CACNA2D1: variants seen among roughly 807,000 people sequenced by gnomAD.
CACNA2D1 encodes calcium voltage-gated channel auxiliary subunit alpha2delta 1, also known as voltage-dependent calcium channel subunit alpha-2/delta-1.
Under a neutral mutation model 171.5 loss-of-function variants are expected in CACNA2D1, and 53 were observed. The ratio of observed to expected loss-of-function variants is 0.31; its 90% confidence interval spans 0.25 to 0.39. The LOEUF is 0.39. Among genes scored for constraint, CACNA2D1 ranks in the 10% least tolerant of loss-of-function variants. The pLI is 1.00. For synonymous variants in CACNA2D1, 442 were observed against 443.1 expected, an observed-to-expected ratio of 1.00 and a Z score of 0.03; for missense variants, 903 against 1,299.8, an observed-to-expected ratio of 0.69 and a Z score of 4.69.
intron 3 of CACNA2D1, among the ~76,000 whole-genome samples, chr7:82,181,164 T>C (rs1359235893): frequency 1.4e-5 from 2 of 145,418 alleles, no homozygotes; most frequent in African/African-American, 5.1e-5. Flanking sequence ...AGTAATGGGG[T>C]ATTACTGGGT....
intron 4 of CACNA2D1, among the ~76,000 whole-genome samples, chr7:82,140,663 A>T (rs944786060): frequency 6.6e-6 from 1 of 152,132 alleles, no homozygotes; most frequent in African/African-American, 2.4e-5. Context: ...TTATAAAAAA[A>T]AATTGCAATT....
intron 3 of CACNA2D1, among the ~76,000 whole-genome samples, chr7:82,279,194 G>T (rs1809752139): frequency 6.6e-6 from 1 of 152,204 alleles, no homozygotes; most frequent in African/African-American, 2.4e-5. Context: ...TAGGTTCAGA[G>T]GGGCAATAAA....
chr7:82,193,589 G>A (rs1040107694), intron 3 of CACNA2D1, among the ~76,000 whole-genome samples: 14 of 151,962 alleles, frequency 9.2e-5, no homozygotes, highest in Non-Finnish European at 1.6e-4. Flanking sequence ...CTATGGAAAT[G>A]CATACTATAT....
intron 18 of CACNA2D1, among the ~76,000 whole-genome samples, chr7:82,001,121 G>A (rs1798567424): frequency 1.3e-5 from 2 of 152,022 alleles, no homozygotes; most frequent in Non-Finnish European, 2.9e-5. Context: ...GTTGCCAAAA[G>A]GAAAAGCTTT....
At chr7:82,272,139 T>C (rs1808715784) in intron 3 of CACNA2D1, among the ~76,000 whole-genome samples, 1 of 152,166 alleles carries the variant, frequency 6.6e-6, no homozygotes, top group Non-Finnish European at 1.5e-5. Flanking sequence ...AAAAGACAGA[T>C]ATTCTATAAA....
chr7:82,124,333 C>A (rs531031000), intron 5 of CACNA2D1, among the ~76,000 whole-genome samples: 240 of 152,180 alleles, frequency 1.6e-3, no homozygotes, highest in African/African-American at 5.1e-3. Context: ...CACCCTCTTC[C>A]CAGGGCAGAG....
intron 1 of CACNA2D1, among the ~76,000 whole-genome samples, chr7:82,374,371 G>A (rs188856095): frequency 1.3e-5 from 2 of 152,204 alleles, no homozygotes; most frequent in East Asian, 3.9e-4. Context: ...TATCAAATCA[G>A]AGCGTACAGA....
At chr7:81,986,577 G>A (rs2130691484) in intron 21 of CACNA2D1, among the ~76,000 whole-genome samples, 1 of 151,708 alleles carries the variant, frequency 6.6e-6, no homozygotes, top group Non-Finnish European at 1.5e-5. Flanking sequence ...GAAAAAAAAA[G>A]CAAGGGTTTA....
intron 27 of CACNA2D1, among the ~76,000 whole-genome samples, chr7:81,970,457 A>G (rs534697678): frequency 6.3e-4 from 95 of 151,690 alleles, no homozygotes; most frequent in African/African-American, 2.3e-3. Context: ...GTTGTAATAA[A>G]CATATTTGGC....
chr7:82,176,726 C>T (rs1001839802), intron 3 of CACNA2D1, among the ~76,000 whole-genome samples: 2 of 151,462 alleles, frequency 1.3e-5, no homozygotes, highest in African/African-American at 2.4e-5. Flanking sequence ...AGTGTGTTTG[C>T]TTCTATTCAA....
intron 8 of CACNA2D1, among the ~76,000 whole-genome samples, chr7:82,065,905 A>C (rs1212159968): frequency 6.6e-6 from 1 of 152,194 alleles, no homozygotes; most frequent in African/African-American, 2.4e-5. Flanking sequence ...TAAAAAACCC[A>C]AAAATAGTTG....
rs899142557 is a variant in CACNA2D1 at position 81,972,919 on chromosome 7, C to T, written c.2054-1055G>A. On this transcript the variant is annotated intron_variant, in intron 25 of 38. Coordinates refer to ENST00000356860, the MANE Select transcript of CACNA2D1 (RefSeq NM_000722.4). ...TCAATGTAATCCCTATTTTGGAGTA[C>T]ATTTTAATTCATTCTAGACACTCTT... is the stretch of plus-strand genomic sequence containing the variant. Among the ~76,000 whole-genome samples, 6 of 151,954 alleles carry T rather than the reference C, an allele frequency of 3.9e-5. No individual in the cohort carries two copies. The East Asian group carries it at 9.6e-4, about 24-fold the overall frequency.
At chr7:81,984,288 G>A (rs1796736055) in intron 22 of CACNA2D1, among the ~76,000 whole-genome samples, 1 of 152,136 alleles carries the variant, frequency 6.6e-6, no homozygotes, top group East Asian at 1.9e-4. Context: ...CATGAGAGTA[G>A]AGACTATGTT....
intron 11 of CACNA2D1, among the ~76,000 whole-genome samples, chr7:82,037,804 G>A (rs1803492083): frequency 6.6e-6 from 1 of 152,048 alleles, no homozygotes; most frequent in Non-Finnish European, 1.5e-5. Flanking sequence ...AGTTTCAAGT[G>A]CTTATTCAAA....
At chr7:82,365,572 A>G (rs1296274887) in intron 1 of CACNA2D1, among the ~76,000 whole-genome samples, 1 of 152,212 alleles carries the variant, frequency 6.6e-6, no homozygotes, top group Non-Finnish European at 1.5e-5. Context: ...TGTGGTGTAG[A>G]CCAATGACAG....
intron 1 of CACNA2D1, among the ~76,000 whole-genome samples, chr7:82,378,512 T>C (rs1187205143): frequency 6.6e-6 from 1 of 152,210 alleles, no homozygotes; most frequent in Non-Finnish European, 1.5e-5. Flanking sequence ...TTCTTAAAAA[T>C]TATATTTTGT....
chr7:82,337,398 GAT>G (rs1818125279), intron 2 of CACNA2D1, among the ~76,000 whole-genome samples: 1 of 152,044 alleles, frequency 6.6e-6, no homozygotes, highest in African/African-American at 2.4e-5. Flanking sequence ...AAGCTCTCCT[GAT>G]ATATGTTTAG....
chr7:82,021,582 T>C (rs1470593394), intron 12 of CACNA2D1, among the ~76,000 whole-genome samples: 1 of 152,090 alleles, frequency 6.6e-6, no homozygotes, highest in Non-Finnish European at 1.5e-5. Context: ...AATGAGCACC[T>C]ACCATGCATC....
At chr7:82,229,486 A>G (rs1017110826) in intron 3 of CACNA2D1, among the ~76,000 whole-genome samples, 4 of 151,924 alleles carry the variant, frequency 2.6e-5, no homozygotes, top group African/African-American at 9.7e-5. Context: ...CCAACTCCCA[A>G]TTTTATTATT....
Sources: gnomAD v4.1 joint callset for allele counts (sites outside exome capture counted in the v4.1 genomes callset) on GRCh38, gnomAD v4.1.1 for gene constraint, MANE v1.5 for transcripts, NCBI Gene and HGNC (gene_info 2026-07-23, HGNC 2026-07-21) for gene names.